WNT2B: variants seen among roughly 807,000 people sequenced by gnomAD.
The protein encoded by WNT2B is protein Wnt-2b.
In WNT2B, 19 loss-of-function variants were observed where a neutral mutation model predicts 40.5. That is an observed-to-expected ratio of 0.47 (90% CI 0.33 to 0.69). WNT2B has a LOEUF of 0.69. Among genes scored for constraint, WNT2B ranks in the 30% least tolerant of loss-of-function variants. The pLI, the probability that WNT2B is intolerant of heterozygous loss-of-function variation, is 0.02. For missense variants in WNT2B, 467 were observed against 556.4 expected (o/e 0.84, Z 1.62); for synonymous variants, 220 against 211.9 (o/e 1.04, Z -0.33).
chr1:112,514,694 CTA>C, intron 1 of WNT2B, 178 bp from the exon 2 acceptor site: 1 of 650,098 alleles, frequency 1.5e-6, no homozygotes, highest in Non-Finnish European at 2.7e-6. Flanking sequence ...AACTGTATAA[CTA>C]TTAATACTTC....
At chr1:112,497,721 T>G (rs1455044637) in intron 1 of WNT2B, among the ~76,000 whole-genome samples, 2 of 152,212 alleles carry the variant, frequency 1.3e-5, no homozygotes, top group Non-Finnish European at 2.9e-5. Context: ...TAAACATGCT[T>G]TTTTATTCTT....
rs555379109 is a variant in WNT2B, at chr1:112,468,264, T to A, written c.-95+673T>A. On this transcript the variant is annotated intron_variant, in intron 1 of 4. Coordinates refer to the WNT2B transcript ENST00000256640. The stretch of plus-strand genomic sequence containing the variant: ...GTCATGAGTCGTGCTGTAATACACA[T>A]CTGAACGCAGGCATCCCTTTGATAT... Among the ~76,000 whole-genome samples the A allele has an allele frequency of 2.0e-5, 3 of 152,344 alleles. No individual in the cohort carries two copies. The East Asian group carries it at 5.8e-4, about 29-fold the overall frequency.
chr1:112,489,229 G>C (rs57706772), intron 1 of WNT2B, among the ~76,000 whole-genome samples: 12,204 of 151,092 alleles, frequency 0.081, 686 homozygotes, highest in African/African-American at 0.16. Context: ...AACAAGGACA[G>C]ATTTTTTTTT....
At chr1:112,467,731 C>A in intron 1 of WNT2B, 1 of 616,474 alleles carries the variant, frequency 1.6e-6, no homozygotes, top group Non-Finnish European at 2.9e-6. Context: ...TTGTTATACA[C>A]GTAGTATGTA....
chr1:112,467,440 T>C (rs1650740317), exon 1 of WNT2B: 2 of 712,714 alleles, frequency 2.8e-6, no homozygotes, highest in Admixed American at 2.1e-5. Flanking sequence ...GCCCAAGCAA[T>C]GTGGTTGTAA....
chr1:112,473,127 A>AAG (rs202140132), intron 1 of WNT2B, among the ~76,000 whole-genome samples: 9,307 of 119,634 alleles, frequency 0.078, 1,006 homozygotes, highest in African/African-American at 0.27. Flanking sequence ...AGAAAGAAAA[A>AAG]AGAGAAAGAA....
At chr1:112,502,411 A>G (rs1177210803) in intron 1 of WNT2B, among the ~76,000 whole-genome samples, 1 of 152,252 alleles carries the variant, frequency 6.6e-6, no homozygotes, top group African/African-American at 2.4e-5. Flanking sequence ...AAGCAGCGAT[A>G]AACAGCTAAA....
intron 1 of WNT2B, among the ~76,000 whole-genome samples, chr1:112,473,829 G>A (rs1281891305): frequency 6.6e-6 from 1 of 151,710 alleles, no homozygotes; most frequent in Non-Finnish European, 1.5e-5. Flanking sequence ...GGCCGAGGCG[G>A]GTGGATCATG....
At chr1:112,486,868 A>G (rs907945224) in intron 1 of WNT2B, among the ~76,000 whole-genome samples, 2 of 152,214 alleles carry the variant, frequency 1.3e-5, no homozygotes, top group African/African-American at 4.8e-5. Context: ...TAGAACTGCA[A>G]ATGGGAGTAT....
chr1:112,502,580 G>T (rs1209616551), intron 1 of WNT2B, among the ~76,000 whole-genome samples: 3 of 152,216 alleles, frequency 2.0e-5, no homozygotes, highest in Non-Finnish European at 4.4e-5. Flanking sequence ...GGGGTGTGAA[G>T]CCCAAGGACA....
intron 1 of WNT2B, among the ~76,000 whole-genome samples, chr1:112,490,037 T>G (rs533320983): frequency 2.0e-5 from 3 of 152,272 alleles, no homozygotes; most frequent in Admixed American, 6.5e-5. Context: ...AGAATACATA[T>G]ATATCCAAGT....
chr1:112,516,190 C>T lies in WNT2B; in HGVS notation c.454C>T (p.His152Tyr), dbSNP rs1279753896. ...TGCCATCTCATCAGCAGGGGTAGTC[C>T]ACGCTATTACTCGCGCCTGTAGCCA... ...VYAISSAGVV[H>Y]AITRACSQGE... Residue 152 changes from histidine (H) to tyrosine (Y), a missense_variant, in exon 3 of 5, where the codon CAC becomes TAC. Around this residue, in one of 2 missense-constraint regions of WNT2B, gnomAD observed 330 missense variants for 438.6 expected, o/e 0.75. Transcript: ENST00000369684. 1 of 1,613,976 alleles carries T rather than the reference C, an allele frequency of 6.2e-7. No homozygotes were observed. The highest frequency in any genetic ancestry group is 1.1e-5 in the South Asian group (1 of 91,060).
intron 1 of WNT2B, among the ~76,000 whole-genome samples, chr1:112,474,249 G>A (rs900302336): frequency 4.6e-5 from 7 of 151,900 alleles, no homozygotes; most frequent in African/African-American, 4.8e-5. Context: ...GGGTTCAAGC[G>A]ATTCTCCTGC....
At chr1:112,494,086 GATT>G (rs1346130914) in intron 1 of WNT2B, among the ~76,000 whole-genome samples, 53 of 151,384 alleles carry the variant, frequency 3.5e-4, no homozygotes, top group Middle Eastern at 3.4e-3. Context: ...GAGGCGGGTG[GATT>G]GCCTGAGATC....
rs187006431 is a variant in WNT2B, at chr1:112,528,399, C to T, written c.*7890C>T. The T allele has an allele frequency of 1.9e-4, 29 of 152,074 alleles. No homozygotes were observed. The highest frequency in any genetic ancestry group is 6.5e-4 in the African/African-American group (27 of 41,486). The allele number at this position is 152,074 out of a possible 1,614,324, so 9.4% of individuals were successfully genotyped here. On this transcript the variant is annotated 3_prime_UTR_variant, in exon 5 of 5. Coordinates refer to ENST00000369684, the MANE Select transcript of WNT2B (RefSeq NM_024494.3). ...CTAGACTGTCAAATGGTTCAGCATC[C>T]CCTATAGAGCCACATAGTATCTTGA...
At chr1:112,474,064 CAA>C (rs57010677) in intron 1 of WNT2B, among the ~76,000 whole-genome samples, 96,257 of 117,950 alleles carry the variant, frequency 0.82, 38,140 homozygotes, top group East Asian at 0.94. Flanking sequence ...GACTCTGTCT[CAA>C]AAAAAAAAAA....
intron 1 of WNT2B, among the ~76,000 whole-genome samples, chr1:112,471,332 G>A (rs1557905134): frequency 1.3e-5 from 2 of 152,168 alleles, no homozygotes; most frequent in Non-Finnish European, 2.9e-5. Flanking sequence ...TCTGCAGCAG[G>A]GATGTGTATA....
rs1056133892 is a variant in WNT2B, at chr1:112,509,825, G to T, written c.182+381G>T. On this transcript the variant is annotated intron_variant, in intron 1 of 4. Coordinates refer to ENST00000369684, the MANE Select transcript of WNT2B (RefSeq NM_024494.3). This position sits in a 1 kb window ranked among gnomAD's most constrained non-coding sequence, Gnocchi z 4.2. ...CAATAGCTTCGCCAGGGCCCCAATC[G>T]CCTAAGGTCGCCCTCTGAGAGGTGG... is the stretch of plus-strand genomic sequence containing the variant. Among the ~76,000 whole-genome samples, 2 of 152,148 alleles carry T rather than the reference G, an allele frequency of 1.3e-5. No individual in the cohort carries two copies. Among genetic ancestry groups the T allele is most frequent in the African/African-American group, 4.8e-5 (2 of 41,434 alleles).
Position 112,526,293 on chromosome 1 carries a change from A to C in WNT2B, c.*5784A>C. 1.6e-6 allele frequency: 1 copy of C among 625,866 alleles called. No individual in the cohort carries two copies. The highest frequency in any genetic ancestry group is 2.6e-6 in the Non-Finnish European group (1 of 387,076). 38.8% of individuals were successfully genotyped at this position (625,866 alleles called of 1,614,324 possible). On this transcript the variant is annotated 3_prime_UTR_variant, in exon 5 of 5. Coordinates refer to ENST00000369684, the MANE Select transcript of WNT2B (RefSeq NM_024494.3). Reference sequence around the variant, plus strand: ...CAGTACCATGTGACCACTATACAACATATTCCACATTTAAACAACTCTGGC... The same window carrying C: ...CAGTACCATGTGACCACTATACAACCTATTCCACATTTAAACAACTCTGGC...
Sources: allele counts gnomAD v4.1 joint callset (sites outside exome capture counted in the v4.1 genomes callset), GRCh38; gene constraint gnomAD v4.1.1; regional missense constraint gnomAD v4.1.1; non-coding constraint Gnocchi (gnomAD v3.1); transcripts MANE v1.5; gene names NCBI Gene and HGNC (gene_info 2026-07-23, HGNC 2026-07-21).